CASK: variants seen among roughly 807,000 people sequenced by gnomAD.
CASK encodes calcium/calmodulin dependent serine protein kinase.
Under a neutral mutation model 82.9 loss-of-function variants are expected in CASK, and 4 were observed. The observed-to-expected ratio is 0.05, with a 90% CI of 0.02 to 0.11. CASK has a LOEUF of 0.11. Among genes scored for constraint, CASK ranks in the 10% least tolerant of loss-of-function variants. The pLI, the probability that CASK is intolerant of heterozygous loss-of-function variation, is 1.00. For synonymous variants in CASK, 259 were observed against 253.5 expected (o/e 1.02, Z -0.20); for missense variants, 358 against 720.9 (o/e 0.50, Z 5.76).
At chrX:41,638,223 G>A (rs761779112) in intron 8 of CASK, among the ~76,000 whole-genome samples, 1 of 110,826 alleles carries the variant, frequency 9.0e-6, no homozygotes, top group African/African-American at 3.3e-5. Flanking sequence ...TATGGAATAA[G>A]GCAAAAAAGT....
intron 1 of CASK, among the ~76,000 whole-genome samples, chrX:41,856,057 T>TGA (rs1256934975): frequency 8.9e-6 from 1 of 112,328 alleles, no homozygotes; most frequent in African/African-American, 3.2e-5. Flanking sequence ...CACAGACTAA[T>TGA]ATCCTCTAGT....
chrX:41,555,328 G>A (rs2065146672), intron 20 of CASK, among the ~76,000 whole-genome samples: 1 of 111,464 alleles, frequency 9.0e-6, no homozygotes, highest in South Asian at 3.7e-4. Flanking sequence ...GCCAGAGGCA[G>A]GCCCACAGCC....
chrX:41,857,308 A>G (rs759379690), intron 1 of CASK, among the ~76,000 whole-genome samples: 95 of 111,047 alleles, frequency 8.6e-4, no homozygotes, highest in African/African-American at 2.9e-3. Context: ...TAACCACCAA[A>G]AAGTCCTCCA....
intron 5 of CASK, among the ~76,000 whole-genome samples, chrX:41,692,391 A>T (rs929989441): frequency 3.6e-5 from 4 of 111,831 alleles, no homozygotes; most frequent in African/African-American, 1.3e-4. Context: ...AACCACTGAT[A>T]ATCCCTTCTA....
intron 5 of CASK, among the ~76,000 whole-genome samples, chrX:41,676,841 G>A (rs1201983648): frequency 8.9e-6 from 1 of 112,477 alleles, no homozygotes; most frequent in East Asian, 2.8e-4. Flanking sequence ...GTCAAATTCA[G>A]TTTATGTTCT....
chrX:41,641,096 G>A (rs1223955400), intron 8 of CASK, among the ~76,000 whole-genome samples: 1 of 103,519 alleles, frequency 9.7e-6, no homozygotes, highest in African/African-American at 3.6e-5. Context: ...AGCTATTCTC[G>A]TGCCTCAGCC....
chrX:41,832,905 G>A (rs1216556331), intron 2 of CASK, among the ~76,000 whole-genome samples: 2 of 111,386 alleles, frequency 1.8e-5, no homozygotes, highest in Non-Finnish European at 3.8e-5. Flanking sequence ...CTATGCTTTG[G>A]GGCCACTTTA....
chrX:41,754,369 C>G (rs1602574708), intron 3 of CASK, among the ~76,000 whole-genome samples: 1 of 111,198 alleles, frequency 9.0e-6, no homozygotes, highest in East Asian at 2.8e-4. Flanking sequence ...CCACTACACT[C>G]CAGCCTGGAC....
intron 10 of CASK, among the ~76,000 whole-genome samples, chrX:41,626,385 A>G (rs2066375976): frequency 8.9e-6 from 1 of 111,940 alleles, no homozygotes; most frequent in Non-Finnish European, 1.9e-5. Flanking sequence ...AAAGAAAAAA[A>G]AATGAAGTGT....
chrX:41,640,855 G>A (rs1385064208), intron 8 of CASK, among the ~76,000 whole-genome samples: 7 of 111,164 alleles, frequency 6.3e-5, no homozygotes, highest in Non-Finnish European at 1.3e-4. Flanking sequence ...TGTGGAAAGA[G>A]AGGTGAGGAC....
At chrX:41,665,068 T>C (rs991025749) in intron 7 of CASK, among the ~76,000 whole-genome samples, 7 of 112,652 alleles carry the variant, frequency 6.2e-5, no homozygotes, top group Non-Finnish European at 1.1e-4. Context: ...ACCAGGGTGA[T>C]AGCTCAGCTG....
rs377185467 is a variant in CASK, at chrX:41,765,684, T to C, written c.279-20083A>G. Among the ~76,000 whole-genome samples, 9 of 111,651 alleles carry C rather than the reference T, an allele frequency of 8.1e-5. No homozygotes were observed. In the East Asian group the frequency reaches 8.3e-4, roughly 10 times the overall value. ...AGAAGGGGGGTGGCACAAAATCATA[T>C]ACATATCTTCTCATATTTTCAAATA... On this transcript the variant is annotated intron_variant, in intron 3 of 26. Transcript: ENST00000378163.
intron 1 of CASK, among the ~76,000 whole-genome samples, chrX:41,871,563 C>T (rs1045657251): frequency 8.9e-6 from 1 of 111,839 alleles, no homozygotes; most frequent in African/African-American, 3.3e-5. Context: ...TATTTAATGA[C>T]TTATTGGGGT....
chrX:41,777,256 C>A (rs1311283989), intron 3 of CASK, among the ~76,000 whole-genome samples: 2 of 111,083 alleles, frequency 1.8e-5, no homozygotes. Context: ...CTTTAGGAGG[C>A]AGAGGCAGGC....
chrX:41,622,839 T>G (rs890477689), intron 10 of CASK, among the ~76,000 whole-genome samples: 9 of 110,973 alleles, frequency 8.1e-5, no homozygotes, highest in Non-Finnish European at 1.7e-4. Context: ...TGATTCTGAA[T>G]TACTTGATTT....
chrX:41,612,781 C>T (rs1394768748), intron 11 of CASK, among the ~76,000 whole-genome samples: 1 of 98,497 alleles, frequency 1.0e-5, no homozygotes, highest in Non-Finnish European at 2.1e-5. Context: ...GCCCGGCCAG[C>T]CGCCCCGTCT....
chrX:41,826,343 A>G (rs187507796), intron 2 of CASK, among the ~76,000 whole-genome samples: 1 of 112,159 alleles, frequency 8.9e-6, no homozygotes, highest in African/African-American at 3.2e-5. Context: ...ACATTAATCA[A>G]TGGTGTGTTA....
intron 5 of CASK, chrX:41,689,686 A>G (rs1311336912): frequency 2.7e-5 from 3 of 111,452 alleles, no homozygotes; most frequent in African/African-American, 9.8e-5. Flanking sequence ...AACCTAACAC[A>G]CTATTAATAG....
intron 3 of CASK, among the ~76,000 whole-genome samples, chrX:41,782,871 G>A (rs909689852): frequency 4.5e-5 from 5 of 112,249 alleles, no homozygotes; most frequent in African/African-American, 6.5e-5. Flanking sequence ...GAGGCTGGGC[G>A]TGGTGGCTCA....
Sources: gnomAD v4.1 joint callset for allele counts (sites outside exome capture counted in the v4.1 genomes callset) on GRCh38, gnomAD v4.1.1 for gene constraint, MANE v1.5 for transcripts, NCBI Gene and HGNC (gene_info 2026-07-23, HGNC 2026-07-21) for gene names.